Variants in CNTNAP5 observed in about 807,000 individuals in gnomAD.
The protein encoded by CNTNAP5 is contactin associated protein family member 5.
CNTNAP5 carries 72 observed loss-of-function variants against 150.2 expected under a neutral mutation model. The observed-to-expected ratio is 0.48, with a 90% confidence interval of 0.40 to 0.58. The LOEUF (loss-of-function observed/expected upper bound fraction) is 0.58. Ranked by LOEUF, CNTNAP5 falls within the 20% of genes least tolerant of loss-of-function variation. The pLI is 0.00. For missense variants in CNTNAP5, 1,636 were observed against 1,626.2 expected (o/e 1.01, Z -0.10); for synonymous variants, 672 against 619.8 (o/e 1.08, Z -1.25).
intron 13 of CNTNAP5, among the ~76,000 whole-genome samples, chr2:124,707,204 G>GAATAAT (rs201421624): frequency 7.0e-6 from 1 of 142,618 alleles, no homozygotes. Context: ...AGAAGAAGAA[G>GAATAAT]AATAAACAAC....
chr2:124,053,466 T>C (rs892581849), intron 1 of CNTNAP5, among the ~76,000 whole-genome samples: 4 of 152,158 alleles, frequency 2.6e-5, no homozygotes, highest in Admixed American at 6.5e-5. Context: ...GTAAAGAACA[T>C]GAGAGACATG....
intron 2 of CNTNAP5, among the ~76,000 whole-genome samples, chr2:124,239,694 A>AT (rs34649478): frequency 0.22 from 32,275 of 149,096 alleles, 3,452 homozygotes; most frequent in East Asian, 0.25. Flanking sequence ...TTTCAACAAC[A>AT]TTTTTTTTTT....
intron 11 of CNTNAP5, among the ~76,000 whole-genome samples, chr2:124,584,149 C>T (rs983049878): frequency 6.6e-6 from 1 of 152,198 alleles, no homozygotes; most frequent in Non-Finnish European, 1.5e-5. Context: ...TGACAGCCTA[C>T]ACACACCAGC....
chr2:124,067,869 G>A (rs1449925458), intron 1 of CNTNAP5, among the ~76,000 whole-genome samples: 1 of 151,952 alleles, frequency 6.6e-6, no homozygotes, highest in Non-Finnish European at 1.5e-5. Flanking sequence ...TAAGTGACTT[G>A]ATATTACTCA....
At chr2:124,847,669 T>G (rs1683077363) in intron 19 of CNTNAP5, among the ~76,000 whole-genome samples, 1 of 152,174 alleles carries the variant, frequency 6.6e-6, no homozygotes, top group African/African-American at 2.4e-5. Context: ...GTGGTAGTTC[T>G]TGGAGCAAAA....
chr2:124,309,231 T>A (rs2104655065), intron 3 of CNTNAP5, among the ~76,000 whole-genome samples: 1 of 152,284 alleles, frequency 6.6e-6, no homozygotes, highest in East Asian at 1.9e-4. Context: ...ATCTTTGGAC[T>A]GCAGATACTG....
At chr2:124,112,348 T>A (rs1683317857) in intron 1 of CNTNAP5, among the ~76,000 whole-genome samples, 1 of 152,196 alleles carries the variant, frequency 6.6e-6, no homozygotes, top group African/African-American at 2.4e-5. Context: ...TAGCTCTGAT[T>A]GGAAGCATCA....
intron 1 of CNTNAP5, among the ~76,000 whole-genome samples, chr2:124,131,873 A>G (rs1255545532): frequency 6.6e-6 from 1 of 152,102 alleles, no homozygotes; most frequent in Non-Finnish European, 1.5e-5. Flanking sequence ...GATAAGGACA[A>G]TGTTTCATTT....
At chr2:124,059,558 T>C (rs940975394) in intron 1 of CNTNAP5, among the ~76,000 whole-genome samples, 7 of 152,196 alleles carry the variant, frequency 4.6e-5, no homozygotes, top group Admixed American at 6.5e-5. Flanking sequence ...AAATAACCTG[T>C]AGCAGCCTTT....
chr2:124,268,388 A>G (rs1687665098), intron 3 of CNTNAP5, among the ~76,000 whole-genome samples: 1 of 152,186 alleles, frequency 6.6e-6, no homozygotes. Flanking sequence ...AAAGATAGGT[A>G]AGAATATCCC....
At chr2:124,602,147 A>T (rs1281999188) in intron 11 of CNTNAP5, among the ~76,000 whole-genome samples, 1 of 152,066 alleles carries the variant, frequency 6.6e-6, no homozygotes, top group Non-Finnish European at 1.5e-5. Context: ...GTTCGAGACC[A>T]GCCTGGCCAA....
chr2:124,079,089 G>T (rs17010830), intron 1 of CNTNAP5, among the ~76,000 whole-genome samples: 6,962 of 152,260 alleles, frequency 0.046, 537 homozygotes, highest in African/African-American at 0.16. Context: ...GTGAGTCTGG[G>T]CTTAAGTGAA....
At chr2:124,240,945 A>C (rs1686871007) in intron 2 of CNTNAP5, among the ~76,000 whole-genome samples, 1 of 152,160 alleles carries the variant, frequency 6.6e-6, no homozygotes, top group Admixed American at 6.6e-5. Context: ...AGTAGACTGA[A>C]ACATCGCTAA....
chr2:124,317,130 C>T (rs950272125), intron 3 of CNTNAP5, among the ~76,000 whole-genome samples: 1 of 152,140 alleles, frequency 6.6e-6, no homozygotes, highest in Non-Finnish European at 1.5e-5. Flanking sequence ...TGGCTATTTA[C>T]ACCGGGTGGC....
intron 13 of CNTNAP5, among the ~76,000 whole-genome samples, chr2:124,672,577 A>T (rs1270079683): frequency 6.6e-6 from 1 of 152,202 alleles, no homozygotes; most frequent in Non-Finnish European, 1.5e-5. Context: ...CCCCAAAAGA[A>T]GAGGACATTT....
intron 5 of CNTNAP5, among the ~76,000 whole-genome samples, chr2:124,436,735 T>C (rs186596660): frequency 3.8e-4 from 58 of 152,326 alleles, no homozygotes; most frequent in African/African-American, 1.4e-3. Context: ...CCATCTTCTC[T>C]ATATTTCCAA....
intron 3 of CNTNAP5, among the ~76,000 whole-genome samples, chr2:124,404,144 A>G (rs1691505956): frequency 2.0e-5 from 3 of 152,186 alleles, no homozygotes; most frequent in Non-Finnish European, 2.9e-5. Flanking sequence ...TTCTCTTAAC[A>G]TGGACCCTTA....
intron 3 of CNTNAP5, among the ~76,000 whole-genome samples, chr2:124,379,785 G>C (rs1283136347): frequency 6.6e-6 from 1 of 152,112 alleles, no homozygotes; most frequent in Non-Finnish European, 1.5e-5. Flanking sequence ...GCAGCTGCCT[G>C]AGAGGAGTCA....
chr2:124,214,113 G>A (rs1362922192), intron 1 of CNTNAP5, among the ~76,000 whole-genome samples: 1 of 152,090 alleles, frequency 6.6e-6, no homozygotes, highest in Non-Finnish European at 1.5e-5. Flanking sequence ...TAAGGTGATG[G>A]TCTCCCCGTT....
Sources: gnomAD v4.1 joint callset for allele counts (sites outside exome capture counted in the v4.1 genomes callset) on GRCh38, gnomAD v4.1.1 for gene constraint, MANE v1.5 for transcripts, NCBI Gene and HGNC (gene_info 2026-07-23, HGNC 2026-07-21) for gene names.